The following WDR1 variants were observed in gnomAD, a reference collection of about 807,000 sequenced individuals.
WDR1 encodes WD repeat domain 1, also known as WD repeat-containing protein 1.
A neutral mutation model predicts 71.9 loss-of-function variants in WDR1; 21 were observed. The ratio of observed to expected loss-of-function variants is 0.29; its 90% CI spans 0.21 to 0.42. WDR1 has a LOEUF of 0.42. Among genes scored for constraint, WDR1 ranks in the 10% least tolerant of loss-of-function variants. The pLI is 1.00. For missense variants in WDR1, 696 were observed against 824.5 expected, an observed-to-expected ratio of 0.84 and a Z score of 1.91; for synonymous variants, 424 against 347.4, an observed-to-expected ratio of 1.22 and a Z score of -2.45.
chr4:10,095,282 G>A (rs1402299948), intron 5 of WDR1, among the ~76,000 whole-genome samples: 2 of 152,272 alleles, frequency 1.3e-5, no homozygotes, highest in African/African-American at 4.8e-5. Context: ...TTCACAGCAA[G>A]TGGAACTTAA....
At chr4:10,086,590 T>G (rs1045370977) in intron 8 of WDR1, among the ~76,000 whole-genome samples, 2 of 152,084 alleles carry the variant, frequency 1.3e-5, no homozygotes, top group Admixed American at 6.5e-5. Context: ...ACGGGCCGAG[T>G]GCACAGGCCC....
Position 10,082,975 on chromosome 4 carries a change from G to A in WDR1, c.1196+47C>T, listed in dbSNP as rs375510603. The A allele has an allele frequency of 1.8e-5, 29 of 1,571,434 alleles. No individual in the cohort carries two copies. The African/African-American group carries it at 3.4e-4, about 18-fold the overall frequency. On this transcript the variant is annotated intron_variant, in intron 10 of 14. Coordinates refer to ENST00000499869, the MANE Select transcript of WDR1 (RefSeq NM_017491.5). ...TGCTGGAGGGCACAAGCCCTCCGAG[G>A]GGAGCTGAGGCTCATCCGGAACCCC...
chr4:10,081,662 G>GT (rs1395634136), intron 10 of WDR1, among the ~76,000 whole-genome samples: 1 of 96,414 alleles, frequency 1.0e-5, no homozygotes, highest in Non-Finnish European at 2.3e-5. Flanking sequence ...CCGGGGAGGG[G>GT]TGGGGGGGGG....
At position 10,081,251 on chromosome 4, in the gene WDR1, C is replaced by T. The variant is rs933672982; in HGVS notation, c.1284+106G>A. 3 of 1,096,604 alleles carry T rather than the reference C, an allele frequency of 2.7e-6. No homozygotes were observed. The African/African-American group carries it at 4.6e-5, about 17-fold the overall frequency. 67.9% of individuals were successfully genotyped at this position (1,096,604 alleles called of 1,614,324 possible). ...TAGTGCAGTGCAAATGAGCACTCAA[C>T]CAAAACACTGGCTAGAGCAACTGTC... On this transcript the variant is annotated intron_variant, in intron 11 of 14. Transcript: ENST00000499869.
At chr4:10,112,636 G>A (rs1270956782) in intron 2 of WDR1, among the ~76,000 whole-genome samples, 1 of 152,228 alleles carries the variant, frequency 6.6e-6, no homozygotes, top group Non-Finnish European at 1.5e-5. Flanking sequence ...AGCTGGCAAC[G>A]GTGCTCGCCT....
chr4:10,106,117 G>A (rs556415945), intron 2 of WDR1, among the ~76,000 whole-genome samples: 14 of 152,074 alleles, frequency 9.2e-5, no homozygotes, highest in South Asian at 4.2e-4. Flanking sequence ...AAGGGGTGGC[G>A]GGGGCGGGGG....
intron 5 of WDR1, chr4:10,091,438 C>T (rs377202731): frequency 6.6e-6 from 1 of 152,262 alleles, no homozygotes; most frequent in Non-Finnish European, 1.5e-5. Context: ...GCTTTACCCC[C>T]CGAGGGGCCA....
At chr4:10,113,869 G>T (rs1012677195) in intron 2 of WDR1, among the ~76,000 whole-genome samples, 1 of 152,244 alleles carries the variant, frequency 6.6e-6, no homozygotes, top group Admixed American at 6.5e-5. Context: ...TTTAGGGGAA[G>T]AGCACGTGGG....
chr4:10,093,136 C>G, intron 5 of WDR1: 1 of 1,289,410 alleles, frequency 7.8e-7, no homozygotes, highest in Non-Finnish European at 1.0e-6. Context: ...CAGGCCCCAG[C>G]TGGCCTGTCT....
chr4:10,099,737 G>A (rs113773250), intron 3 of WDR1, among the ~76,000 whole-genome samples: 39 of 152,350 alleles, frequency 2.6e-4, no homozygotes, highest in African/African-American at 8.9e-4. Flanking sequence ...TCCCAACAGC[G>A]TGCTGCTGCC....
At chr4:10,082,904 T>G (rs868498506) in intron 10 of WDR1, 118 bp downstream of exon 10, 7 of 1,279,520 alleles carry the variant, frequency 5.5e-6, no homozygotes, top group Middle Eastern at 5.6e-4. Context: ...GGGGACGGGG[T>G]GGGAGAGATG....
intron 2 of WDR1, among the ~76,000 whole-genome samples, chr4:10,113,291 G>A (rs1713505181): frequency 6.6e-6 from 1 of 152,192 alleles, no homozygotes; most frequent in Non-Finnish European, 1.5e-5. Flanking sequence ...AACCCGGCAG[G>A]TGGAGGTTGC....
Position 10,077,904 on chromosome 4 carries a change from G to A in WDR1, c.1418C>T (p.Ser473Phe). Reference sequence around the variant, plus strand: ...ATCCTTCAGCGTGGTGCCCAGGATGGAATACAGGCGGACGTTGCCGTCCTA... The same window carrying A: ...ATCCTTCAGCGTGGTGCCCAGGATGAAATACAGGCGGACGTTGCCGTCCTA... ...GGVDGNVRLY[S>F]ILGTTLKDEG... The change falls in exon 13 of 15, where the codon TCC becomes TTC. Residue 473 changes from serine to phenylalanine, a missense_variant. By Grantham distance (155) the Ser-to-Phe change is radical. Coordinates refer to ENST00000499869, the MANE Select transcript of WDR1 (RefSeq NM_017491.5). 1.2e-6 allele frequency: 2 copies of A among 1,609,064 alleles called. No individual in the cohort carries two copies. The highest frequency in any genetic ancestry group is 1.7e-6 in the Non-Finnish European group (2 of 1,177,242).
chr4:10,101,067 T>C (rs1712654647), intron 3 of WDR1, among the ~76,000 whole-genome samples: 1 of 152,236 alleles, frequency 6.6e-6, no homozygotes, highest in Admixed American at 6.5e-5. Context: ...CACACGCCTG[T>C]CACATGGCCC....
intron 5 of WDR1, among the ~76,000 whole-genome samples, chr4:10,097,261 G>A (rs1033461635): frequency 4.6e-5 from 7 of 152,252 alleles, no homozygotes; most frequent in South Asian, 4.1e-4. Flanking sequence ...TCTTCTAACC[G>A]TTTGTCACTT....
intron 5 of WDR1, among the ~76,000 whole-genome samples, chr4:10,095,418 AG>A (rs1712275932): frequency 6.6e-6 from 1 of 152,190 alleles, no homozygotes; most frequent in Admixed American, 6.5e-5. Flanking sequence ...CACATACGGG[AG>A]GAAGCCCAGC....
At position 10,075,473 on chromosome 4, in the gene WDR1, G is replaced by C; in HGVS notation, c.1726C>G (p.Leu576Val). 1 of 1,613,992 alleles carries C rather than the reference G, an allele frequency of 6.2e-7. No homozygotes were observed. The highest frequency in any genetic ancestry group is 1.1e-5 in the South Asian group (1 of 91,074). Reference protein sequence around the residue: ...TRVKIQDAHRLHHVSSLAWLD... With the variant: ...TRVKIQDAHRVHHVSSLAWLD... The stretch of plus-strand genomic sequence containing the variant: ...CAGGCCAGGCTGCTGACATGGTGCA[G>C]CCGGTGTGCATCTGGGAAGAAAGGG... Residue 576 changes from leucine (L) to valine (V), a missense_variant, in exon 15 of 15, where the codon CTG becomes GTG. By Grantham distance (32) the Leu-to-Val change is conservative. Coordinates refer to ENST00000499869, the MANE Select transcript of WDR1 (RefSeq NM_017491.5).
At chr4:10,084,080 C>T (rs974506386) in intron 9 of WDR1, among the ~76,000 whole-genome samples, 2 of 152,204 alleles carry the variant, frequency 1.3e-5, no homozygotes, top group Admixed American at 6.5e-5. Context: ...ATCAAGAAAC[C>T]CACCATGTGG....
At chr4:10,079,145 C>T (rs1031607097) in intron 11 of WDR1, 144 bp from the exon 12 acceptor site, 25 of 606,552 alleles carry the variant, frequency 4.1e-5, no homozygotes, top group African/African-American at 3.6e-4. Flanking sequence ...ACCTGGGGCT[C>T]TGAGCCACAC....
Sources: allele counts gnomAD v4.1 joint callset (sites outside exome capture counted in the v4.1 genomes callset), GRCh38; gene constraint gnomAD v4.1.1; transcripts MANE v1.5; gene names NCBI Gene and HGNC (gene_info 2026-07-23, HGNC 2026-07-21).